The following FGF12 variants were observed in gnomAD, a reference collection of about 807,000 sequenced individuals.
FGF12 encodes the protein fibroblast growth factor 12B.
A neutral mutation model predicts 23.6 loss-of-function variants in FGF12; 14 were observed. That is an observed-to-expected ratio of 0.59 (90% CI 0.39 to 0.93). FGF12 has a LOEUF of 0.93. Among genes scored for constraint, FGF12 ranks in the 40% least tolerant of loss-of-function variants. The pLI, the probability that FGF12 is intolerant of heterozygous loss-of-function variation, is 0.00. For synonymous variants in FGF12, 62 were observed against 77.3 expected, an observed-to-expected ratio of 0.80 and a Z score of 1.04; for missense variants, 175 against 217.8, an observed-to-expected ratio of 0.80 and a Z score of 1.24.
At chr3:192,257,359 C>A (rs962149162) in intron 4 of FGF12, among the ~76,000 whole-genome samples, 4 of 152,074 alleles carry the variant, frequency 2.6e-5, no homozygotes, top group Non-Finnish European at 5.9e-5. Flanking sequence ...ATAGCCTGTC[C>A]ATCACCCAGA....
At chr3:192,471,886 T>G (rs957140235) in intron 2 of FGF12, among the ~76,000 whole-genome samples, 2 of 152,214 alleles carry the variant, frequency 1.3e-5, no homozygotes, top group South Asian at 4.1e-4. Context: ...TACATATTTA[T>G]TCTAAAAACT....
chr3:192,599,806 T>C (rs569941440), intron 2 of FGF12, among the ~76,000 whole-genome samples: 106 of 150,242 alleles, frequency 7.1e-4, no homozygotes, highest in Non-Finnish European at 1.1e-3. Context: ...CAAATAGTGA[T>C]ATATATGTTT....
intron 4 of FGF12, among the ~76,000 whole-genome samples, chr3:192,304,476 A>G (rs1394825023): frequency 6.6e-6 from 1 of 152,164 alleles, no homozygotes; most frequent in Non-Finnish European, 1.5e-5. Context: ...CAGAGTATCT[A>G]CTTTTTATCT....
intron 2 of FGF12, among the ~76,000 whole-genome samples, chr3:192,400,957 C>G (rs1364478824): frequency 1.3e-5 from 2 of 152,132 alleles, no homozygotes; most frequent in Non-Finnish European, 2.9e-5. Context: ...TTTTCAGGAT[C>G]CTTTACACTC....
intron 3 of FGF12, among the ~76,000 whole-genome samples, chr3:192,347,975 G>A (rs1718040431): frequency 4.6e-5 from 7 of 152,134 alleles, no homozygotes; most frequent in Admixed American, 4.6e-4. Context: ...GCTGGCAAGT[G>A]GAGATACTCA....
At chr3:192,448,555 G>A (rs573971013) in intron 2 of FGF12, among the ~76,000 whole-genome samples, 4 of 152,234 alleles carry the variant, frequency 2.6e-5, no homozygotes, top group Admixed American at 1.3e-4. Context: ...CCCAAGTGAC[G>A]GCACTTTGAC....
chr3:192,571,086 A>C (rs781408), intron 2 of FGF12, among the ~76,000 whole-genome samples: 1 of 147,554 alleles, frequency 6.8e-6, no homozygotes, highest in African/African-American at 2.4e-5. Context: ...TGTTGGGGGG[A>C]AAAAACAAAC....
chr3:192,465,629 C>T (rs1424127692), intron 2 of FGF12, among the ~76,000 whole-genome samples: 3 of 152,228 alleles, frequency 2.0e-5, no homozygotes, highest in South Asian at 2.1e-4. Flanking sequence ...ACAAACAATG[C>T]GATTTATGCT....
At chr3:192,515,037 C>G (rs1724620681) in intron 2 of FGF12, 3 of 174,668 alleles carry the variant, frequency 1.7e-5, no homozygotes. Context: ...GAGGCGGTGG[C>G]TGGTCTGAGG....
intron 4 of FGF12, among the ~76,000 whole-genome samples, chr3:192,293,218 TC>T (rs1714854795): frequency 6.7e-6 from 1 of 150,234 alleles, no homozygotes; most frequent in African/African-American, 2.4e-5. Context: ...TTAATCTAAT[TC>T]TGTGCCTTAG....
At chr3:192,726,732 T>G in intron 2 of FGF12, 1 of 195,376 alleles carries the variant, frequency 5.1e-6, no homozygotes, top group Non-Finnish European at 1.1e-5. Flanking sequence ...AAATACCATC[T>G]TCATGAGGTG....
At chr3:192,680,295 AAAAC>A (rs1001175832) in intron 2 of FGF12, among the ~76,000 whole-genome samples, 1 of 152,194 alleles carries the variant, frequency 6.6e-6, no homozygotes, top group African/African-American at 2.4e-5. Flanking sequence ...AACCAGGTGA[AAAAC>A]AAGATGACTG....
Position 192,161,462 on chromosome 3 carries a change from A to G in FGF12, c.427+8996T>C, listed in dbSNP as rs75434553. Reference sequence around the variant, plus strand: ...AATACACACACACACACAACTGATTAAGTAACTAAATTGAATAACTTTAAG... The same window carrying G: ...AATACACACACACACACAACTGATTGAGTAACTAAATTGAATAACTTTAAG... On this transcript the variant is annotated intron_variant, in intron 5 of 5. Transcript: ENST00000445105. Among the ~76,000 whole-genome samples, 490 of 151,792 alleles carry G rather than the reference A, an allele frequency of 3.2e-3. 5 individuals carry two copies. The highest frequency in any genetic ancestry group is 5.2e-3 in the Non-Finnish European group (351 of 67,868).
chr3:192,708,046 G>A (rs1312258903), intron 2 of FGF12, among the ~76,000 whole-genome samples: 5 of 152,074 alleles, frequency 3.3e-5, no homozygotes, highest in African/African-American at 4.8e-5. Context: ...TGCAAGCTCC[G>A]CCTCCTGGGT....
intron 2 of FGF12, among the ~76,000 whole-genome samples, chr3:192,694,036 G>A (rs946242076): frequency 3.9e-5 from 6 of 152,026 alleles, no homozygotes; most frequent in Non-Finnish European, 8.8e-5. Flanking sequence ...AAAATATAAG[G>A]AACTCACAAC....
At chr3:192,351,194 T>C (rs1718204608) in intron 3 of FGF12, among the ~76,000 whole-genome samples, 1 of 152,198 alleles carries the variant, frequency 6.6e-6, no homozygotes, top group Non-Finnish European at 1.5e-5. Flanking sequence ...CTTGCAAAAT[T>C]TCAGATCTAT....
intron 2 of FGF12, among the ~76,000 whole-genome samples, chr3:192,392,497 G>T (rs1720339760): frequency 6.6e-6 from 1 of 152,046 alleles, no homozygotes; most frequent in Non-Finnish European, 1.5e-5. Context: ...TGGGGAGGCT[G>T]AGGCAGGAGA....
chr3:192,299,264 A>G (rs1715212488), intron 4 of FGF12, among the ~76,000 whole-genome samples: 1 of 152,218 alleles, frequency 6.6e-6, no homozygotes, highest in South Asian at 2.1e-4. Context: ...ACCAATTTGG[A>G]GAAATTTGTA....
intron 2 of FGF12, among the ~76,000 whole-genome samples, chr3:192,642,166 A>G (rs1715830436): frequency 6.6e-6 from 1 of 152,200 alleles, no homozygotes; most frequent in African/African-American, 2.4e-5. Context: ...TCCTTTTCAA[A>G]CCATATTTAC....
Sources: gnomAD v4.1 joint callset for allele counts (sites outside exome capture counted in the v4.1 genomes callset) on GRCh38, gnomAD v4.1.1 for gene constraint, MANE v1.5 for transcripts, NCBI Gene and HGNC (gene_info 2026-07-23, HGNC 2026-07-21) for gene names.